ANKRD36B: variants seen among roughly 807,000 people sequenced by gnomAD.
ANKRD36B encodes the protein ankyrin repeat domain-containing protein 36B.
Under a neutral mutation model 135.7 loss-of-function variants are expected in ANKRD36B, and 37 were observed. That is an observed-to-expected ratio of 0.27 (90% CI 0.21 to 0.36). The LOEUF is 0.36. Ranked by LOEUF, ANKRD36B falls within the 10% of genes least tolerant of loss-of-function variation. The pLI is 1.00. For synonymous variants in ANKRD36B, 179 were observed against 348.1 expected, an observed-to-expected ratio of 0.51 and a Z score of 5.41; for missense variants, 549 against 1,037.1, an observed-to-expected ratio of 0.53 and a Z score of 6.46.
chr2:97,496,529 A>G (rs1449340276), intron 43 of ANKRD36B, among the ~76,000 whole-genome samples: 2 of 64,892 alleles, frequency 3.1e-5, no homozygotes, highest in African/African-American at 4.6e-5. Flanking sequence ...GGAGAAGTCA[A>G]TGCCTGGCTT....
intron 6 of ANKRD36B, among the ~76,000 whole-genome samples, chr2:97,574,530 C>T (rs1169309994): frequency 6.6e-6 from 1 of 152,156 alleles, no homozygotes; most frequent in African/African-American, 2.4e-5. Context: ...CCAGCCATCC[C>T]GTTACTGGGT....
At chr2:97,526,799 T>C (rs2078239408) in intron 35 of ANKRD36B, among the ~76,000 whole-genome samples, 2 of 96,248 alleles carry the variant, frequency 2.1e-5, no homozygotes, top group South Asian at 4.8e-4. Flanking sequence ...GAAGAAAGGG[T>C]ATCAGTGATG....
In ANKRD36B at chr2:97,549,412, A is replaced by G. The variant is rs765603888; in HGVS notation, c.1477+7T>C. 77 of 1,554,272 alleles carry G rather than the reference A, an allele frequency of 5.0e-5. No individual in the cohort carries two copies. The highest frequency in any genetic ancestry group is 6.5e-5 in the Non-Finnish European group (75 of 1,150,102). ...GAACATGACATTAAATCTGTTTTCAAAATTACCTGTCCTAGATTTTTCTCC... is the reference window on the plus strand; with the variant it reads ...GAACATGACATTAAATCTGTTTTCAGAATTACCTGTCCTAGATTTTTCTCC... On this transcript the variant is annotated splice_region_variant and intron_variant, in intron 20 of 43. Coordinates refer to ENST00000359901, the MANE Select transcript of ANKRD36B (RefSeq NM_001393939.1).
chr2:97,556,858 C>A, intron 12 of ANKRD36B, 79 bp downstream of exon 12: 1 of 1,519,612 alleles, frequency 6.6e-7, no homozygotes, highest in Non-Finnish European at 8.8e-7. Context: ...TTCAATGACA[C>A]CCCACTGATC....
intron 37 of ANKRD36B, among the ~76,000 whole-genome samples, chr2:97,513,966 T>G (rs1435967727): frequency 8.0e-6 from 1 of 124,464 alleles, no homozygotes; most frequent in Non-Finnish European, 1.5e-5. Context: ...ATCAATGTAT[T>G]TCTTACATGT....
chr2:97,571,746 A>G (rs1166165594), intron 6 of ANKRD36B, among the ~76,000 whole-genome samples: 3 of 151,256 alleles, frequency 2.0e-5, no homozygotes, highest in African/African-American at 7.4e-5. Flanking sequence ...TATAATACTT[A>G]CTATCAATCA....
chr2:97,560,524 G>T, intron 8 of ANKRD36B, 141 bp downstream of exon 8: 2 of 1,274,026 alleles, frequency 1.6e-6, no homozygotes, highest in South Asian at 1.3e-5. Context: ...AGTCACCTGA[G>T]AACTCACTAC....
At chr2:97,552,763 G>A (rs530099600) in intron 16 of ANKRD36B, among the ~76,000 whole-genome samples, 2 of 151,906 alleles carry the variant, frequency 1.3e-5, no homozygotes, top group African/African-American at 2.4e-5. Context: ...AGTGTTTATG[G>A]GTTATTACTA....
Position 97,538,237 on chromosome 2 carries a change from T to G in ANKRD36B, c.2020A>C (p.Ile674Leu). ...AAAAGAGAAACTTTCTTTTTAAATA[T>G]AACCTGAATGGAAAGAGAAACAAAA... The part of the protein sequence containing the change: ...SPQKQSAQKV[I>L]FKKKVSLLNI... The change falls in exon 32 of 44, where the codon ATA becomes CTA. Residue 674 changes from isoleucine (I) to leucine (L), a missense_variant. Transcript: ENST00000359901. 8.6e-7 allele frequency: 1 copy of G among 1,161,582 alleles called. No individual in the cohort carries two copies. Among genetic ancestry groups the G allele is most frequent in the Admixed American group, 2.4e-5 (1 of 42,260 alleles). 72.0% of individuals were successfully genotyped at this position (1,161,582 alleles called of 1,614,324 possible).
At chr2:97,586,210 C>T (rs1196060840) in intron 1 of ANKRD36B, among the ~76,000 whole-genome samples, 1 of 149,462 alleles carries the variant, frequency 6.7e-6, no homozygotes, top group African/African-American at 2.5e-5. Context: ...CTTCAACTTT[C>T]AAAAAAAAAT....
chr2:97,570,507 A>T (rs538710990), intron 6 of ANKRD36B, among the ~76,000 whole-genome samples: 12 of 152,316 alleles, frequency 7.9e-5, no homozygotes, highest in African/African-American at 2.4e-4. Context: ...TTCTTCTGGA[A>T]GTGTGGAATT....
chr2:97,589,634 G>C lies in ANKRD36B; in HGVS notation c.52C>G (p.Pro18Ala), dbSNP rs764286005. The stretch of plus-strand genomic sequence containing the variant: ...CTGTGGATCCTCTTCAGATGATACG[G>C]TTTAATGTAGTAATGGGGAAATGCG... ...GFAFPHYYIK[P>A]YHLKRIHRAV... Residue 18 changes from proline to alanine, a missense_variant, in exon 1 of 44, where the codon CCG becomes GCG. Physicochemically the swap from Pro to Ala is conservative, Grantham distance 27. Coordinates refer to ENST00000359901, the MANE Select transcript of ANKRD36B (RefSeq NM_001393939.1). 2 of 1,614,168 alleles carry C rather than the reference G, an allele frequency of 1.2e-6. No individual in the cohort carries two copies. The highest frequency in any genetic ancestry group is 1.3e-5 in the African/African-American group (1 of 75,032).
intron 22 of ANKRD36B, among the ~76,000 whole-genome samples, chr2:97,546,324 TACG>T (rs1208215947): frequency 6.6e-6 from 1 of 151,772 alleles, no homozygotes; most frequent in South Asian, 2.1e-4. Context: ...GGCACAGAAT[TACG>T]ACGACATTTC....
chr2:97,572,439 GAATTTAA>G (rs1231444132), intron 6 of ANKRD36B, among the ~76,000 whole-genome samples: 1 of 53,510 alleles, frequency 1.9e-5, no homozygotes, highest in African/African-American at 5.0e-5. Flanking sequence ...TGAAAATTTA[GAATTTAA>G]AATTTAAAAT....
chr2:97,549,006 GTGT>G (rs1372300395), intron 20 of ANKRD36B, among the ~76,000 whole-genome samples: 1 of 151,856 alleles, frequency 6.6e-6, no homozygotes, highest in Non-Finnish European at 1.5e-5. Flanking sequence ...TTCTCCTACA[GTGT>G]GTACGGGTTA....
Position 97,526,153 on chromosome 2 carries a change from C to A in ANKRD36B, c.2266-2686G>T, listed in dbSNP as rs2078194906. 3.0e-5 allele frequency among the ~76,000 whole-genome samples: 2 copies of A among 65,668 alleles called. 1 individual carries two copies. The highest frequency in any genetic ancestry group is 1.7e-4 in the African/African-American group (2 of 11,568). 43.1% of individuals were successfully genotyped at this position (65,668 alleles called of 152,430 possible). On this transcript the variant is annotated intron_variant, in intron 35 of 43. Transcript: ENST00000359901. ...CAAGCAGCCTAACTGGGAGGCACCC[C>A]CCAGTAGGGGCAGACTGAACCTCAC... is the stretch of plus-strand genomic sequence containing the variant.
In ANKRD36B at chr2:97,588,343, G is replaced by A. The variant is rs142370364; in HGVS notation, c.161+1182C>T. Among the ~76,000 whole-genome samples, 1,430 of 151,628 alleles carry A rather than the reference G, an allele frequency of 9.4e-3. 31 individuals are homozygous for A. Among genetic ancestry groups the A allele is most frequent in the African/African-American group, 0.031 (1,296 of 41,364 alleles). ...TGGTGCAAAGGCAATTGCGGTTTTC[G>A]CCATTACTTGTAATTGCGGCAAAAA... is the stretch of plus-strand genomic sequence containing the variant. On this transcript the variant is annotated intron_variant, in intron 1 of 43. Coordinates refer to ENST00000359901, the MANE Select transcript of ANKRD36B (RefSeq NM_001393939.1).
intron 6 of ANKRD36B, among the ~76,000 whole-genome samples, chr2:97,574,093 G>A (rs912161952): frequency 6.6e-6 from 1 of 152,176 alleles, no homozygotes; most frequent in Non-Finnish European, 1.5e-5. Context: ...CCATCAGAGT[G>A]AACAGGCAAC....
At chr2:97,565,223 T>C (rs998098251) in intron 6 of ANKRD36B, among the ~76,000 whole-genome samples, 18 of 152,132 alleles carry the variant, frequency 1.2e-4, no homozygotes, top group East Asian at 3.9e-4. Context: ...ATCCTGAGAC[T>C]ATGAGGAAGT....
Sources: gnomAD v4.1 joint callset for allele counts (sites outside exome capture counted in the v4.1 genomes callset) on GRCh38, gnomAD v4.1.1 for gene constraint, MANE v1.5 for transcripts, NCBI Gene and HGNC (gene_info 2026-07-23, HGNC 2026-07-21) for gene names.